MRAP2: variants seen among roughly 807,000 people sequenced by gnomAD.
The protein encoded by MRAP2 is melanocortin-2 receptor accessory protein 2.
Under a neutral mutation model 17.4 loss-of-function variants are expected in MRAP2, and 20 were observed. The observed-to-expected ratio is 1.15, with a 90% confidence interval of 0.81 to 1.67. The LOEUF (loss-of-function observed/expected upper bound fraction) is 1.67. Ranked by LOEUF, MRAP2 falls within the 40% of genes most tolerant of loss-of-function variation. The probability of loss-of-function intolerance (pLI) is 0.00; values close to 1 mark genes in which losing one functional copy is unlikely to be tolerated. For missense variants in MRAP2, 238 were observed against 240.0 expected, an observed-to-expected ratio of 0.99 and a Z score of 0.05; for synonymous variants, 96 against 88.4, an observed-to-expected ratio of 1.09 and a Z score of -0.48.
chr6:84,116,014 G>C, the MRAP2 span, among the ~76,000 whole-genome samples: 2 of 152,162 alleles, frequency 1.3e-5, no homozygotes, highest in Non-Finnish European at 2.9e-5. Context: ...GACCAGAGCT[G>C]TTTCTATTTG....
chr6:84,128,618 T>G, the MRAP2 span, among the ~76,000 whole-genome samples: 5 of 152,166 alleles, frequency 3.3e-5, no homozygotes, highest in African/African-American at 1.2e-4. Flanking sequence ...TAGTAGTAAC[T>G]ACTCTTTTGG....
rs184594274 is a variant in MRAP2 at position 84,039,699 on chromosome 6, A to C, written c.-8+5816A>C. On this transcript the variant is annotated intron_variant, in intron 1 of 3. Transcript: ENST00000257776. The stretch of plus-strand genomic sequence containing the variant: ...TGAAAATAGTTTGTAAGCTTCAAAT[A>C]ATTCTCCTGCAAGGTGCATTTGTTT... Among the ~76,000 whole-genome samples the C allele has an allele frequency of 2.2e-4, 33 of 152,340 alleles. No individual in the cohort carries two copies. In the East Asian group the frequency reaches 6.2e-3, roughly 28 times the overall value.
intron 2 of MRAP2, among the ~76,000 whole-genome samples, chr6:84,058,438 T>C (rs1287250968): frequency 6.6e-6 from 1 of 152,174 alleles, no homozygotes; most frequent in Non-Finnish European, 1.5e-5. Flanking sequence ...GGAATTGCCT[T>C]TAACTGAGAG....
intron 1 of MRAP2, among the ~76,000 whole-genome samples, chr6:84,045,592 G>T (rs545006106): frequency 2.0e-5 from 3 of 152,018 alleles, no homozygotes; most frequent in Admixed American, 6.6e-5. Flanking sequence ...GTGAAACCCC[G>T]TCTCTCCTAA....
chr6:84,106,423 G>C, the MRAP2 span, among the ~76,000 whole-genome samples: 2 of 152,134 alleles, frequency 1.3e-5, no homozygotes, highest in East Asian at 1.9e-4. Context: ...CTGCCACCAG[G>C]TAGCTGACTG....
the MRAP2 span, among the ~76,000 whole-genome samples, chr6:84,145,485 G>A: frequency 6.6e-6 from 1 of 152,074 alleles, no homozygotes; most frequent in Non-Finnish European, 1.5e-5. Context: ...ATAGAAATGA[G>A]GGTGACTGCA....
chr6:84,093,528 A>T (rs2099502150), downstream of MRAP2, among the ~76,000 whole-genome samples: 1 of 151,550 alleles, frequency 6.6e-6, no homozygotes, highest in Non-Finnish European at 1.5e-5. Flanking sequence ...CAGCAAAGAG[A>T]AAGAGAAAGC....
Position 84,089,952 on chromosome 6 carries a change from G to A in MRAP2, c.*471G>A, listed in dbSNP as rs528461874. ...GGACACCTCTGATTTATACTAGCTCGTTTTGCTTGTTGAAAAATTTGGCCA... is the reference window on the plus strand; with the variant it reads ...GGACACCTCTGATTTATACTAGCTCATTTTGCTTGTTGAAAAATTTGGCCA... On this transcript the variant is annotated 3_prime_UTR_variant, in exon 4 of 4. Transcript: ENST00000257776. 25 of 155,536 alleles carry A rather than the reference G, an allele frequency of 1.6e-4. No homozygotes were observed. Among genetic ancestry groups the A allele is most frequent in the East Asian group, 5.7e-4 (3 of 5,218 alleles). The allele number at this position is 155,536 out of a possible 1,614,324, so 9.6% of individuals were successfully genotyped here. A position where few individuals can be genotyped will look rare whatever the true frequency, so the allele number is the denominator to read the frequency against.
intron 1 of MRAP2, among the ~76,000 whole-genome samples, chr6:84,041,494 C>T (rs1343895589): frequency 3.9e-5 from 6 of 152,174 alleles, no homozygotes; most frequent in Admixed American, 1.3e-4. Context: ...TAGCTTGCCC[C>T]GTGCACCTGG....
At chr6:84,124,985 G>A in the MRAP2 span, 1 of 1,011,444 alleles carries the variant, frequency 9.9e-7, no homozygotes, top group Admixed American at 2.6e-5. Context: ...TGGAACACTT[G>A]TTTTTCATAA....
At chr6:84,058,094 A>G (rs907624814) in intron 2 of MRAP2, among the ~76,000 whole-genome samples, 3 of 151,952 alleles carry the variant, frequency 2.0e-5, no homozygotes, top group East Asian at 1.9e-4. Context: ...CATGCTAAGG[A>G]CTTTGTTTGG....
At chr6:84,046,780 CAA>C (rs756963425) in intron 1 of MRAP2, among the ~76,000 whole-genome samples, 7 of 23,152 alleles carry the variant, frequency 3.0e-4, no homozygotes, top group South Asian at 1.9e-3. Context: ...AACTCCATCT[CAA>C]AAAAAAAAAA....
At chr6:84,061,952 G>A in intron 2 of MRAP2, 3 of 985,374 alleles carry the variant, frequency 3.0e-6, no homozygotes, top group Non-Finnish European at 3.6e-6. Flanking sequence ...GATTAAAGCA[G>A]GTTTGTACAG....
intron 3 of MRAP2, among the ~76,000 whole-genome samples, chr6:84,073,078 A>T (rs2099496622): frequency 6.6e-6 from 1 of 152,104 alleles, no homozygotes; most frequent in Non-Finnish European, 1.5e-5. Context: ...CCTTCCCCGA[A>T]TTCTGGCCAG....
the MRAP2 span, among the ~76,000 whole-genome samples, chr6:84,144,890 A>C: frequency 6.6e-6 from 1 of 152,014 alleles, no homozygotes; most frequent in East Asian, 1.9e-4. Context: ...TTTTTCCTCT[A>C]TCTCTCCAGA....
intron 2 of MRAP2, among the ~76,000 whole-genome samples, chr6:84,058,782 C>T (rs1184753519): frequency 6.6e-6 from 1 of 151,566 alleles, no homozygotes; most frequent in African/African-American, 2.4e-5. Context: ...TTTTGGACGC[C>T]AACTGAAAAA....
chr6:84,089,074 T>C lies in MRAP2; in HGVS notation c.228-17T>C. The C allele has an allele frequency of 6.3e-7, 1 of 1,589,318 alleles. No homozygotes were observed. The stretch of plus-strand genomic sequence containing the variant: ...GGCTGGAGTGTAAGCAGTCTTTTAT[T>C]TTCTTTTTTTAAATAGCAATGCAGA... On this transcript the variant is annotated splice_polypyrimidine_tract_variant and intron_variant, in intron 3 of 3. Coordinates refer to ENST00000257776, the MANE Select transcript of MRAP2 (RefSeq NM_138409.4).
chr6:84,053,684 T>A (rs1213231202), intron 1 of MRAP2, among the ~76,000 whole-genome samples: 1 of 152,170 alleles, frequency 6.6e-6, no homozygotes, highest in Non-Finnish European at 1.5e-5. Context: ...CTAATATTTT[T>A]CTTAATTTTT....
the MRAP2 span, chr6:84,125,176 A>G: frequency 1.9e-6 from 3 of 1,613,646 alleles, no homozygotes; most frequent in South Asian, 1.1e-5. Flanking sequence ...TTCTGTGCGG[A>G]ACTTCTCCAG....
Sources: gnomAD v4.1 joint callset for allele counts (sites outside exome capture counted in the v4.1 genomes callset) on GRCh38, gnomAD v4.1.1 for gene constraint, MANE v1.5 for transcripts, NCBI Gene and HGNC (gene_info 2026-07-23, HGNC 2026-07-21) for gene names.